SGMS1: variants seen among roughly 807,000 people sequenced by gnomAD.
SGMS1 encodes phosphatidylcholine:ceramide cholinephosphotransferase 1.
In SGMS1, 13 loss-of-function variants were observed where a neutral mutation model predicts 46.2. The ratio of observed to expected loss-of-function variants is 0.28; its 90% CI spans 0.18 to 0.45. The LOEUF (loss-of-function observed/expected upper bound fraction) is 0.45, where lower values mean the gene tolerates loss of function less well. Among genes scored for constraint, SGMS1 ranks in the 20% least tolerant of loss-of-function variants. The probability of loss-of-function intolerance (pLI) is 1.00; values close to 1 mark genes in which losing one functional copy is unlikely to be tolerated. For synonymous variants in SGMS1, 203 were observed against 187.8 expected (o/e 1.08, Z -0.66); for missense variants, 324 against 519.9 (o/e 0.62, Z 3.66).
chr10:50,426,649 A>G (rs2133605972), intron 6 of SGMS1, among the ~76,000 whole-genome samples: 1 of 150,392 alleles, frequency 6.6e-6, no homozygotes, highest in African/African-American at 2.5e-5. Context: ...TTTTGACATC[A>G]AAGTAGAATT....
intron 2 of SGMS1, among the ~76,000 whole-genome samples, chr10:50,568,600 G>T (rs991452972): frequency 6.6e-6 from 1 of 152,302 alleles, no homozygotes; most frequent in Admixed American, 6.5e-5. Context: ...AGCTACTCAG[G>T]AGGCTGAGGC....
chr10:50,611,206 A>G (rs186017465), intron 1 of SGMS1, among the ~76,000 whole-genome samples: 1 of 152,296 alleles, frequency 6.6e-6, no homozygotes, highest in East Asian at 1.9e-4. Flanking sequence ...AGGAGAGGAA[A>G]GGGAATCAAC....
At chr10:50,365,497 T>G (rs1848324823) in intron 6 of SGMS1, among the ~76,000 whole-genome samples, 3 of 152,064 alleles carry the variant, frequency 2.0e-5, no homozygotes, top group African/African-American at 7.2e-5. Flanking sequence ...ACATGTGCCA[T>G]GGTGGTCTGC....
chr10:50,435,090 A>T (rs1245159708), intron 5 of SGMS1, among the ~76,000 whole-genome samples: 8 of 152,322 alleles, frequency 5.3e-5, no homozygotes, highest in Admixed American at 1.3e-4. Flanking sequence ...GGCCACTGAC[A>T]TGAGGCTCTT....
At chr10:50,521,284 T>C (rs1837854817) in intron 2 of SGMS1, among the ~76,000 whole-genome samples, 1 of 152,162 alleles carries the variant, frequency 6.6e-6, no homozygotes, top group Non-Finnish European at 1.5e-5. Flanking sequence ...CAACATTTAT[T>C]TAACCATTCA....
intron 6 of SGMS1, among the ~76,000 whole-genome samples, chr10:50,417,156 A>C (rs1187958745): frequency 1.3e-5 from 2 of 152,158 alleles, no homozygotes; most frequent in Non-Finnish European, 2.9e-5. Flanking sequence ...CTCAGTCGTC[A>C]CAGGATTCCA....
intron 1 of SGMS1, among the ~76,000 whole-genome samples, chr10:50,598,553 CAGTTGTGG>C (rs1243967396): frequency 6.6e-6 from 1 of 152,032 alleles, no homozygotes; most frequent in Non-Finnish European, 1.5e-5. Context: ...GGATATCTGA[CAGTTGTGG>C]AGAAGGGGTG....
At chr10:50,581,951 C>T (rs1233522766) in intron 2 of SGMS1, among the ~76,000 whole-genome samples, 1 of 152,168 alleles carries the variant, frequency 6.6e-6, no homozygotes, top group East Asian at 1.9e-4. Context: ...TATGAAATAT[C>T]TGAGACTCCC....
intron 6 of SGMS1, among the ~76,000 whole-genome samples, chr10:50,363,210 C>G (rs995661037): frequency 6.6e-6 from 1 of 151,848 alleles, no homozygotes; most frequent in Non-Finnish European, 1.5e-5. Flanking sequence ...TCAAAACAGT[C>G]GAAGAGAACA....
chr10:50,485,015 T>C (rs1382684849), intron 3 of SGMS1, among the ~76,000 whole-genome samples: 1 of 152,162 alleles, frequency 6.6e-6, no homozygotes, highest in African/African-American at 2.4e-5. Flanking sequence ...TCACCACTCG[T>C]ATTCAACATA....
At chr10:50,428,729 GGAAGTCAGCCTTTCAGTCACCTGCAAAA>G (rs1477369410) in intron 6 of SGMS1, among the ~76,000 whole-genome samples, 1 of 152,146 alleles carries the variant, frequency 6.6e-6, no homozygotes, top group Non-Finnish European at 1.5e-5. Context: ...CCCACCTTAG[GGAAGTCAGCCTTTCAGTCACCTGCAAAA>G]TGCAGATAAT....
chr10:50,529,314 C>A (rs1446759475), intron 2 of SGMS1, among the ~76,000 whole-genome samples: 2 of 152,218 alleles, frequency 1.3e-5, no homozygotes, highest in Admixed American at 6.5e-5. Context: ...GCCTCTAATA[C>A]TTCCAGACTG....
chr10:50,517,218 C>G (rs773985868), intron 3 of SGMS1, among the ~76,000 whole-genome samples: 6 of 151,988 alleles, frequency 3.9e-5, no homozygotes, highest in Non-Finnish European at 8.8e-5. Context: ...GGAAAGAAGC[C>G]CAAAACCATT....
chr10:50,328,817 T>C (rs1847569812), intron 7 of SGMS1, among the ~76,000 whole-genome samples: 1 of 152,160 alleles, frequency 6.6e-6, no homozygotes, highest in Non-Finnish European at 1.5e-5. Context: ...AAAGCACAAT[T>C]AAATAATATA....
At chr10:50,414,097 C>T (rs1321454639) in intron 6 of SGMS1, among the ~76,000 whole-genome samples, 1 of 152,192 alleles carries the variant, frequency 6.6e-6, no homozygotes, top group Non-Finnish European at 1.5e-5. Context: ...AGTTACTAGA[C>T]ACTCTCCAAA....
chr10:50,427,929 A>G (rs901940062), intron 6 of SGMS1, among the ~76,000 whole-genome samples: 12 of 151,948 alleles, frequency 7.9e-5, no homozygotes, highest in Admixed American at 6.6e-4. Context: ...TTGATAGGGA[A>G]CTCTATCCCT....
intron 3 of SGMS1, among the ~76,000 whole-genome samples, chr10:50,486,921 A>G (rs980405088): frequency 2.0e-5 from 3 of 152,256 alleles, no homozygotes; most frequent in African/African-American, 2.4e-5. Flanking sequence ...ATGCCCATCA[A>G]TGATGACTGG....
intron 1 of SGMS1, among the ~76,000 whole-genome samples, chr10:50,615,714 C>A (rs1347704046): frequency 2.6e-5 from 4 of 152,190 alleles, no homozygotes. Context: ...GCCCTCAAGG[C>A]TCCCAACAGA....
chr10:50,472,074 CTTTT>C (rs1266814302), intron 3 of SGMS1, among the ~76,000 whole-genome samples: 1 of 151,840 alleles, frequency 6.6e-6, no homozygotes, highest in African/African-American at 2.4e-5. Context: ...TCATTATTTT[CTTTT>C]TTAATTTTCT....
Sources: gnomAD v4.1 joint callset for allele counts (sites outside exome capture counted in the v4.1 genomes callset) on GRCh38, gnomAD v4.1.1 for gene constraint, MANE v1.5 for transcripts, NCBI Gene and HGNC (gene_info 2026-07-23, HGNC 2026-07-21) for gene names.